The following MLLT3 variants were observed in gnomAD, a reference collection of about 807,000 sequenced individuals.
MLLT3 encodes MLLT3 super elongation complex subunit.
MLLT3 carries 4 observed loss-of-function variants against 53.2 expected under a neutral mutation model. The observed-to-expected ratio is 0.08, with a 90% CI of 0.04 to 0.17. The LOEUF (loss-of-function observed/expected upper bound fraction) is 0.17, where lower values mean the gene tolerates loss of function less well. Among genes scored for constraint, MLLT3 ranks in the 10% least tolerant of loss-of-function variants. The pLI is 1.00. For synonymous variants in MLLT3, 283 were observed against 230.6 expected (o/e 1.23, Z -2.06); for missense variants, 569 against 684.0 (o/e 0.83, Z 1.87).
At chr9:20,433,273 C>A (rs568412507) in intron 4 of MLLT3, among the ~76,000 whole-genome samples, 1 of 151,880 alleles carries the variant, frequency 6.6e-6, no homozygotes, top group South Asian at 2.1e-4. Flanking sequence ...TGCAAAGAAA[C>A]CAGGTTAAAG....
At chr9:20,377,720 T>C (rs1821803508) in intron 5 of MLLT3, among the ~76,000 whole-genome samples, 4 of 152,172 alleles carry the variant, frequency 2.6e-5, no homozygotes, top group Admixed American at 2.0e-4. Flanking sequence ...CCCGATTAAA[T>C]GTGAAACCTG....
At chr9:20,608,284 TAA>T (rs1378176403) in intron 2 of MLLT3, among the ~76,000 whole-genome samples, 1 of 151,956 alleles carries the variant, frequency 6.6e-6, no homozygotes, top group Non-Finnish European at 1.5e-5. Flanking sequence ...AGTTGATTTT[TAA>T]AGTCAGATGT....
intron 2 of MLLT3, chr9:20,502,146 A>G (rs1232447346): frequency 1.9e-5 from 3 of 153,884 alleles, no homozygotes; most frequent in Non-Finnish European, 4.4e-5. Context: ...TCTGACAATA[A>G]TAAAACGAAG....
At chr9:20,435,688 G>A (rs1239027388) in intron 4 of MLLT3, among the ~76,000 whole-genome samples, 1 of 152,034 alleles carries the variant, frequency 6.6e-6, no homozygotes, top group Non-Finnish European at 1.5e-5. Flanking sequence ...AAGGAGTACG[G>A]GAAGACTTAG....
intron 2 of MLLT3, among the ~76,000 whole-genome samples, chr9:20,512,569 G>A (rs1432120691): frequency 2.6e-5 from 4 of 152,178 alleles, no homozygotes; most frequent in Non-Finnish European, 5.9e-5. Flanking sequence ...CAGCATCTAT[G>A]AGTACAAGTG....
intron 4 of MLLT3, among the ~76,000 whole-genome samples, chr9:20,435,846 T>C (rs1823388442): frequency 6.6e-6 from 1 of 152,172 alleles, no homozygotes; most frequent in South Asian, 2.1e-4. Flanking sequence ...CCTGAGCCTG[T>C]CTTATCGGTC....
At chr9:20,415,484 G>A in intron 4 of MLLT3, 1 of 959,780 alleles carries the variant, frequency 1.0e-6, no homozygotes, top group African/African-American at 1.8e-5. Flanking sequence ...AAACAGAGAA[G>A]ATCCTGGACA....
intron 5 of MLLT3, among the ~76,000 whole-genome samples, chr9:20,376,910 C>T (rs1821779567): frequency 6.6e-6 from 1 of 152,190 alleles, no homozygotes; most frequent in African/African-American, 2.4e-5. Flanking sequence ...TACAGTCACA[C>T]CACCTATAAA....
chr9:20,614,414 A>T, intron 2 of MLLT3, among the ~76,000 whole-genome samples: 1 of 133,214 alleles, frequency 7.5e-6, no homozygotes, highest in Non-Finnish European at 1.6e-5. Context: ...GAAGGAAGGA[A>T]GGAAAGGAGG....
At chr9:20,473,068 T>TG (rs1824434606) in intron 2 of MLLT3, among the ~76,000 whole-genome samples, 1 of 152,120 alleles carries the variant, frequency 6.6e-6, no homozygotes, top group Admixed American at 6.6e-5. Context: ...TCAGAAACTC[T>TG]GGGGTAGTCC....
intron 2 of MLLT3, among the ~76,000 whole-genome samples, chr9:20,599,710 A>G (rs1820369215): frequency 6.6e-6 from 1 of 152,186 alleles, no homozygotes; most frequent in African/African-American, 2.4e-5. Context: ...AAGGGTGACT[A>G]TATAATCTAT....
chr9:20,405,500 C>G (rs1372344020), intron 5 of MLLT3, among the ~76,000 whole-genome samples: 1 of 152,216 alleles, frequency 6.6e-6, no homozygotes, highest in Non-Finnish European at 1.5e-5. Context: ...ATACAAGAAG[C>G]ATGAATTTTG....
chr9:20,485,321 A>G (rs898256826), intron 2 of MLLT3, among the ~76,000 whole-genome samples: 1 of 152,264 alleles, frequency 6.6e-6, no homozygotes, highest in South Asian at 2.1e-4. Context: ...TTAAAGCAAG[A>G]GCATATTCAA....
At chr9:20,462,184 T>C (rs1454041180) in intron 2 of MLLT3, among the ~76,000 whole-genome samples, 2 of 152,194 alleles carry the variant, frequency 1.3e-5, no homozygotes, top group African/African-American at 2.4e-5. Flanking sequence ...AAATCAACAG[T>C]TGAGTTTTGT....
At chr9:20,436,519 A>G (rs769627862) in intron 4 of MLLT3, among the ~76,000 whole-genome samples, 14 of 152,312 alleles carry the variant, frequency 9.2e-5, no homozygotes, top group Middle Eastern at 3.4e-3. Flanking sequence ...CTCATGCAAG[A>G]TTGCTCCATT....
intron 5 of MLLT3, among the ~76,000 whole-genome samples, chr9:20,367,197 AT>A (rs1253022109): frequency 6.6e-6 from 1 of 152,192 alleles, no homozygotes; most frequent in African/African-American, 2.4e-5. Context: ...AATTCTCCTT[AT>A]CCTTTTCTAA....
At chr9:20,475,559 A>G (rs528460068) in intron 2 of MLLT3, among the ~76,000 whole-genome samples, 1 of 152,288 alleles carries the variant, frequency 6.6e-6, no homozygotes, top group East Asian at 1.9e-4. Context: ...TCATGTATAT[A>G]TGAAGGACAA....
At chr9:20,533,207 TG>T in intron 2 of MLLT3, 1 of 319,062 alleles carries the variant, frequency 3.1e-6, no homozygotes, top group South Asian at 3.2e-5. Context: ...TTGACTAAGC[TG>T]GTGGAAGCCA....
At chr9:20,383,171 A>G (rs1821945160) in intron 5 of MLLT3, among the ~76,000 whole-genome samples, 1 of 151,918 alleles carries the variant, frequency 6.6e-6, no homozygotes, top group African/African-American at 2.4e-5. Flanking sequence ...TGTTGTATAT[A>G]TGCATACACA....
Sources: gnomAD v4.1 joint callset for allele counts (sites outside exome capture counted in the v4.1 genomes callset) on GRCh38, gnomAD v4.1.1 for gene constraint, MANE v1.5 for transcripts, NCBI Gene and HGNC (gene_info 2026-07-23, HGNC 2026-07-21) for gene names.